The following FBXW12 variants were observed in gnomAD, a reference collection of about 807,000 sequenced individuals.
FBXW12 encodes the protein F-box/WD repeat-containing protein 12.
FBXW12 carries 43 observed loss-of-function variants against 55.3 expected under a neutral mutation model. The observed-to-expected ratio is 0.78, with a 90% CI of 0.61 to 1.00. The LOEUF (loss-of-function observed/expected upper bound fraction) is 1.00, where lower values mean the gene tolerates loss of function less well. Among genes scored for constraint, FBXW12 ranks in the 50% least tolerant of loss-of-function variants. The pLI, the probability that FBXW12 is intolerant of heterozygous loss-of-function variation, is 0.00. For missense variants in FBXW12, 524 were observed against 560.5 expected (o/e 0.93, Z 0.66); for synonymous variants, 184 against 203.8 (o/e 0.90, Z 0.83).
In FBXW12 at chr3:48,375,412, G is replaced by C. The variant is rs372912249; in HGVS notation, c.345G>C (p.Glu115Asp). Residue 115 changes from glutamate to aspartate, a missense_variant, in exon 5 of 11, where the codon GAG becomes GAC. Physicochemically the swap from Glu to Asp is conservative, Grantham distance 45. Coordinates refer to ENST00000296438, the MANE Select transcript of FBXW12 (RefSeq NM_207102.2). The part of the protein sequence containing the change: ...SGNRLTVDEQ[E>D]KSIICSVSPK... ...ATAGACTTACAGTGGATGAACAGGA[G>C]AAATCAATCATTTGTAGTGTATCTC... The C allele has an allele frequency of 1.7e-4, 268 of 1,612,816 alleles. No individual in the cohort carries two copies. Among genetic ancestry groups the C allele is most frequent in the Non-Finnish European group, 2.1e-4 (244 of 1,179,694 alleles).
Position 48,375,350 on chromosome 3 carries a change from C to G in FBXW12, c.287-4C>G. The stretch of plus-strand genomic sequence containing the variant: ...GTGGCCAAGTCTTCTATGTTTCCTT[C>G]TAGCATTTGAGACGGAGTTGGCTTA... On this transcript the variant is annotated splice_region_variant and splice_polypyrimidine_tract_variant and intron_variant, in intron 4 of 10. Transcript: ENST00000296438. 6.4e-7 allele frequency: 1 copy of G among 1,562,482 alleles called. No individual in the cohort carries two copies. The highest frequency in any genetic ancestry group is 8.8e-7 in the Non-Finnish European group (1 of 1,134,548).
Position 48,394,639 on chromosome 3 carries a change from A to G in FBXW12, c.1375A>G (p.Met459Val). The change falls in exon 11 of 11, where the codon ATG (methionine) becomes GTG (valine). Residue 459 changes from methionine to valine, a missense_variant. By Grantham distance (21) the Met-to-Val change is conservative (BLOSUM62 1). Coordinates refer to ENST00000296438, the MANE Select transcript of FBXW12 (RefSeq NM_207102.2). ...AGTAAGTGACTCCAGCATTCTGGTGATGTATTCTTTGAATACGTAATATGG... is the reference window on the plus strand; with the variant it reads ...AGTAAGTGACTCCAGCATTCTGGTGGTGTATTCTTTGAATACGTAATATGG... Reference protein sequence around the residue: ...RKVSDSSILVMYSLNT With the variant: ...RKVSDSSILVVYSLNT 1 of 1,594,560 alleles carries G rather than the reference A, an allele frequency of 6.3e-7. No individual in the cohort carries two copies. Among genetic ancestry groups the G allele is most frequent in the Non-Finnish European group, 8.6e-7 (1 of 1,165,344 alleles).
At chr3:48,379,289 T>A (rs930818390) in intron 6 of FBXW12, 111 bp from the exon 7 acceptor site, 5 of 989,252 alleles carry the variant, frequency 5.1e-6, no homozygotes, top group East Asian at 4.8e-5. Flanking sequence ...TGATCTCCAT[T>A]ATGTGATTGA....
intron 10 of FBXW12, among the ~76,000 whole-genome samples, chr3:48,388,411 T>C (rs1464031584): frequency 1.3e-5 from 2 of 152,240 alleles, no homozygotes; most frequent in Non-Finnish European, 2.9e-5. Flanking sequence ...TCTATTAGTT[T>C]TCATGTATTT....
chr3:48,382,145 T>A (rs2036786068), intron 10 of FBXW12, 60 bp downstream of exon 10: 2 of 1,579,704 alleles, frequency 1.3e-6, no homozygotes, highest in Admixed American at 1.8e-5. Context: ...TGAGACGGAG[T>A]CTCCCTATGT....
Position 48,372,803 on chromosome 3 carries a change from A to G in FBXW12, c.36A>G (p.Arg12=), listed in dbSNP as rs139844009. 75 of 1,614,170 alleles carry G rather than the reference A, an allele frequency of 4.6e-5. No individual in the cohort carries two copies. Among genetic ancestry groups the G allele is most frequent in the Non-Finnish European group, 3.6e-5 (42 of 1,180,030 alleles). The change falls in exon 2 of 11, where the codon CGA becomes CGG. Residue 12 remains arginine, a synonymous_variant. Transcript: ENST00000296438. ...GATTGCCTGACTTAGCTTTGAAGCG[A>G]ATCTTCTCTTTCCTGGACCTGTTCG... ...EIRLPDLALK[R]IFSFLDLFGL...
At chr3:48,375,776 G>A (rs1427720767) in intron 5 of FBXW12, among the ~76,000 whole-genome samples, 1 of 151,964 alleles carries the variant, frequency 6.6e-6, no homozygotes, top group Non-Finnish European at 1.5e-5. Flanking sequence ...CAGGGTTCAC[G>A]CCATTCTCCT....
chr3:48,374,777 TTTTTTTTTTAA>T (rs1159562442), intron 4 of FBXW12, among the ~76,000 whole-genome samples: 2 of 141,964 alleles, frequency 1.4e-5, no homozygotes, highest in South Asian at 2.3e-4. Flanking sequence ...TTTTTTTTTT[TTTTTTTTTTAA>T]AAACAGAGTC....
At chr3:48,382,472 A>T (rs1575361628) in intron 10 of FBXW12, among the ~76,000 whole-genome samples, 1 of 143,866 alleles carries the variant, frequency 7.0e-6, no homozygotes, top group East Asian at 2.0e-4. Flanking sequence ...TTTTTTTTTT[A>T]AGGTTCTCTG....
rs780976802 is a variant in FBXW12 at position 48,381,962 on chromosome 3, G to A, written c.1172G>A (p.Cys391Tyr). 3.1e-6 allele frequency: 5 copies of A among 1,614,164 alleles called. No individual in the cohort carries two copies. In the East Asian group the frequency reaches 1.1e-4, roughly 36 times the overall value. The change falls in exon 10 of 11, where the codon TGC becomes TAC. Residue 391 changes from cysteine (C) to tyrosine (Y), a missense_variant. Coordinates refer to ENST00000296438, the MANE Select transcript of FBXW12 (RefSeq NM_207102.2). ...TCTGGCTATCCTTGGAAGGATCCTT[G>A]CTATGTGCTCACCACATCCGAGAAC... ...AAINNFWVDP[C>Y]YVLTTSENSV...
chr3:48,372,827 C>T lies in FBXW12; in HGVS notation c.60C>T (p.Phe20=), dbSNP rs142081483. ...LKRIFSFLDL[F]GLLQVSQVNK... is the part of the protein sequence containing the mutation. ...GAATCTTCTCTTTCCTGGACCTGTT[C>T]GGCTTGCTGCAGGTTTCCCAGGTGA... The change falls in exon 2 of 11, where the codon TTC becomes TTT. Residue 20 remains phenylalanine (F), a synonymous_variant. Coordinates refer to ENST00000296438, the MANE Select transcript of FBXW12 (RefSeq NM_207102.2). 5.0e-6 allele frequency: 8 copies of T among 1,614,168 alleles called. No homozygotes were observed. The highest frequency in any genetic ancestry group is 1.6e-4 in the Middle Eastern group (1 of 6,062).
chr3:48,380,916 G>T lies in FBXW12; in HGVS notation c.985+4G>T, dbSNP rs1372348216. 1 of 1,612,590 alleles carries T rather than the reference G, an allele frequency of 6.2e-7. No individual in the cohort carries two copies. The highest frequency in any genetic ancestry group is 1.7e-5 in the Admixed American group (1 of 60,004). ...GGAGGCCAAACAGTCATCCAAGGTA[G>T]GCTGTGCCACATTAGAAACGCTTGT... is the stretch of plus-strand genomic sequence containing the variant. On this transcript the variant is annotated splice_donor_region_variant and intron_variant, in intron 8 of 10. Coordinates refer to ENST00000296438, the MANE Select transcript of FBXW12 (RefSeq NM_207102.2).
In FBXW12 at chr3:48,391,101, C is replaced by A. The variant is rs1158652034; in HGVS notation, c.1296-3459C>A. ...CCTGGGCAACATACAGAGACCCTGT[C>A]TCTACAAAAAAAAAAAAAAAAAAAA... On this transcript the variant is annotated intron_variant, in intron 10 of 10. Coordinates refer to ENST00000296438, the MANE Select transcript of FBXW12 (RefSeq NM_207102.2). Among the ~76,000 whole-genome samples the A allele has an allele frequency of 4.3e-5, 4 of 91,988 alleles. 1 individual carries two copies. In the East Asian group the frequency reaches 9.2e-4, roughly 21 times the overall value. 60.3% of individuals were successfully genotyped at this position (91,988 alleles called of 152,430 possible).
chr3:48,384,096 G>A (rs1368568818), intron 10 of FBXW12, among the ~76,000 whole-genome samples: 1 of 152,162 alleles, frequency 6.6e-6, no homozygotes, highest in Admixed American at 6.6e-5. Flanking sequence ...AAAATTCTGA[G>A]ATTTATATTG....
At chr3:48,386,506 C>CT (rs2036850515) in intron 10 of FBXW12, among the ~76,000 whole-genome samples, 1 of 152,096 alleles carries the variant, frequency 6.6e-6, no homozygotes, top group Non-Finnish European at 1.5e-5. Context: ...TTTAGGATTG[C>CT]TTTTTCTATT....
At chr3:48,386,838 TTA>T (rs1336083421) in intron 10 of FBXW12, among the ~76,000 whole-genome samples, 10 of 152,184 alleles carry the variant, frequency 6.6e-5, no homozygotes, top group Non-Finnish European at 1.2e-4. Context: ...CTTACTCATT[TTA>T]TATTACTTTT....
Position 48,378,540 on chromosome 3 carries a change from G to T in FBXW12, c.615+14G>T, listed in dbSNP as rs965029155. 6.2e-6 allele frequency: 10 copies of T among 1,608,158 alleles called. No homozygotes were observed. The highest frequency in any genetic ancestry group is 8.5e-6 in the Non-Finnish European group (10 of 1,176,470). ...CCATTCCTGATGGTAAGTGAGCCCT[G>T]AATTTAGAGGGGACCAAAAAATCAA... On this transcript the variant is annotated intron_variant, in intron 6 of 10. Coordinates refer to ENST00000296438, the MANE Select transcript of FBXW12 (RefSeq NM_207102.2).
intron 1 of FBXW12, 89 bp from the exon 2 acceptor site, chr3:48,372,595 A>G: frequency 6.9e-7 from 1 of 1,445,820 alleles, no homozygotes; most frequent in Non-Finnish European, 9.3e-7. Flanking sequence ...CCCAGGGGAG[A>G]GGCCGGGGTG....
chr3:48,381,624 ATAT>A (rs1167956400), intron 8 of FBXW12, 73 bp from the exon 9 acceptor site: 8 of 1,434,944 alleles, frequency 5.6e-6, no homozygotes, highest in East Asian at 2.3e-5. Context: ...CAGTGTGAGG[ATAT>A]TATTATTCAA....
Sources: gnomAD v4.1 joint callset for allele counts (sites outside exome capture counted in the v4.1 genomes callset) on GRCh38, gnomAD v4.1.1 for gene constraint, MANE v1.5 for transcripts, NCBI Gene and HGNC (gene_info 2026-07-23, HGNC 2026-07-21) for gene names.